OTULIN: variants seen among roughly 807,000 people sequenced by gnomAD.
The protein encoded by OTULIN is ubiquitin thioesterase otulin.
OTULIN carries 15 observed loss-of-function variants against 39.6 expected under a neutral mutation model. The ratio of observed to expected loss-of-function variants is 0.38; its 90% CI spans 0.25 to 0.58. The LOEUF (loss-of-function observed/expected upper bound fraction) is 0.58. Ranked by LOEUF, OTULIN falls within the 20% of genes least tolerant of loss-of-function variation. The pLI, the probability that OTULIN is intolerant of heterozygous loss-of-function variation, is 0.66. For synonymous variants in OTULIN, 156 were observed against 170.3 expected (o/e 0.92, Z 0.65); for missense variants, 319 against 445.9 (o/e 0.72, Z 2.56).
chr5:14,693,290 G>A lies in OTULIN; in HGVS notation c.*242G>A, dbSNP rs1173240881. 3 of 390,188 alleles carry A rather than the reference G, an allele frequency of 7.7e-6. No individual in the cohort carries two copies. The highest frequency in any genetic ancestry group is 3.9e-5 in the East Asian group (1 of 25,834). 24.2% of individuals were successfully genotyped at this position (390,188 alleles called of 1,614,324 possible). On this transcript the variant is annotated 3_prime_UTR_variant, in exon 7 of 7. Coordinates refer to ENST00000284274, the MANE Select transcript of OTULIN (RefSeq NM_138348.6). ...GGCCTTCAGAGCACACCTGTTGGACGGTGCAAACCATATCTTCTCCAGAAG... is the reference window on the plus strand; with the variant it reads ...GGCCTTCAGAGCACACCTGTTGGACAGTGCAAACCATATCTTCTCCAGAAG...
chr5:14,678,781 A>G lies in OTULIN; in HGVS notation c.324+6A>G. ...AAGCAACGTGTATGAAAATGGTATG[A>G]CACAGAGGTGCACATATTTCAGGTC... On this transcript the variant is annotated splice_donor_region_variant and intron_variant, in intron 3 of 6. Coordinates refer to ENST00000284274, the MANE Select transcript of OTULIN (RefSeq NM_138348.6). 6.4e-7 allele frequency: 1 copy of G among 1,572,106 alleles called. No individual in the cohort carries two copies. The highest frequency in any genetic ancestry group is 8.6e-7 in the Non-Finnish European group (1 of 1,157,422).
chr5:14,670,473 G>A (rs1290571349), intron 1 of OTULIN, among the ~76,000 whole-genome samples: 1 of 152,004 alleles, frequency 6.6e-6, no homozygotes, highest in Admixed American at 6.6e-5. Flanking sequence ...CTCTCTTTCT[G>A]TTTGCTTATC....
In OTULIN at chr5:14,696,657, T is replaced by C. The variant is rs1211948644; in HGVS notation, c.*3609T>C. On this transcript the variant is annotated 3_prime_UTR_variant, in exon 7 of 7. Coordinates refer to ENST00000284274, the MANE Select transcript of OTULIN (RefSeq NM_138348.6). Reference sequence around the variant, plus strand: ...AACCACAGATGCCATACAGACCTCCTGTGCTTAAGTTATAGAAGAATAAAA... The same window carrying C: ...AACCACAGATGCCATACAGACCTCCCGTGCTTAAGTTATAGAAGAATAAAA... 2 of 152,258 alleles carry C rather than the reference T, an allele frequency of 1.3e-5. No individual in the cohort carries two copies. Among genetic ancestry groups the C allele is most frequent in the African/African-American group, 4.8e-5 (2 of 41,468 alleles). 9.4% of individuals were successfully genotyped at this position (152,258 alleles called of 1,614,324 possible). A position where few individuals can be genotyped will look rare whatever the true frequency, so the allele number is the denominator to read the frequency against.
chr5:14,687,325 C>T (rs927478969), intron 4 of OTULIN, among the ~76,000 whole-genome samples, 196 bp from the exon 5 acceptor site: 1 of 152,198 alleles, frequency 6.6e-6, no homozygotes, highest in Non-Finnish European at 1.5e-5. Context: ...AGCAGCCCTC[C>T]TCAGGGTGGT....
rs545289049 is a variant in OTULIN, at chr5:14,684,808, C to T, written c.469-2713C>T. Among the ~76,000 whole-genome samples, 114 of 152,310 alleles carry T rather than the reference C, an allele frequency of 7.5e-4. 1 individual carries two copies. Among genetic ancestry groups the T allele is most frequent in the Non-Finnish European group, 1.5e-3 (99 of 68,030 alleles). On this transcript the variant is annotated intron_variant, in intron 4 of 6. Coordinates refer to ENST00000284274, the MANE Select transcript of OTULIN (RefSeq NM_138348.6). ...AGTGACCCTCCCCTTAATCTATGCTCGGTGAAGAAGACCCGGGCTTCCTTT... is the reference window on the plus strand; with the variant it reads ...AGTGACCCTCCCCTTAATCTATGCTTGGTGAAGAAGACCCGGGCTTCCTTT...
the OTULIN span, chr5:14,708,472 CT>C: frequency 1.3e-5 from 2 of 152,158 alleles, no homozygotes; most frequent in African/African-American, 4.8e-5. Flanking sequence ...GGGAATGTTT[CT>C]TTGGTCACAA....
rs771225743 is a variant in OTULIN, at chr5:14,687,477, G to A, written c.469-44G>A. On this transcript the variant is annotated intron_variant, in intron 4 of 6. Transcript: ENST00000284274. ...GCTTGGATTGTGTGGTGGATTTCTT[G>A]GAATGTTAACACTTCTTTATCTCTT... The A allele has an allele frequency of 2.5e-6, 4 of 1,585,996 alleles. No homozygotes were observed. In the South Asian group the frequency reaches 3.5e-5, roughly 14 times the overall value.
chr5:14,670,238 A>G (rs1333710494), intron 1 of OTULIN, among the ~76,000 whole-genome samples: 1 of 152,210 alleles, frequency 6.6e-6, no homozygotes, highest in Non-Finnish European at 1.5e-5. Context: ...AACTTGACAC[A>G]CAAAAGGTTG....
chr5:14,675,099 G>A (rs1227684688), intron 2 of OTULIN, among the ~76,000 whole-genome samples: 2 of 152,204 alleles, frequency 1.3e-5, no homozygotes, highest in Middle Eastern at 3.4e-3. Context: ...CTCTAATAGG[G>A]GCTCTTTTCA....
At chr5:14,669,361 G>A (rs372855375) in intron 1 of OTULIN, among the ~76,000 whole-genome samples, 2 of 145,350 alleles carry the variant, frequency 1.4e-5, no homozygotes, top group Admixed American at 6.6e-5. Context: ...GCGAAACTCC[G>A]TCTCAAAAAA....
At chr5:14,708,539 C>T in the OTULIN span, 1 of 152,222 alleles carries the variant, frequency 6.6e-6, no homozygotes. Context: ...AGGTCACCCT[C>T]CCTGGTTTGA....
At position 14,690,545 on chromosome 5, in the gene OTULIN, C is replaced by G. The variant is rs922690260; in HGVS notation, c.864+237C>G. Among the ~76,000 whole-genome samples the G allele has an allele frequency of 1.3e-5, 2 of 152,162 alleles. No homozygotes were observed. The highest frequency in any genetic ancestry group is 2.9e-5 in the Non-Finnish European group (2 of 68,024). ...TCATGTGGCTGTGGGCAGGAGGCTT[C>G]AGTTCCTTACTGGTAGTTAGTAGGA... On this transcript the variant is annotated intron_variant, in intron 6 of 6. Coordinates refer to ENST00000284274, the MANE Select transcript of OTULIN (RefSeq NM_138348.6). This position sits in a 1 kb window ranked among gnomAD's most constrained non-coding sequence, Gnocchi z 4.5.
chr5:14,685,120 TC>T (rs1736352580), intron 4 of OTULIN, among the ~76,000 whole-genome samples: 2 of 152,368 alleles, frequency 1.3e-5, no homozygotes, highest in African/African-American at 4.8e-5. Context: ...GTTTCCAAGT[TC>T]GTTACATTTT....
chr5:14,683,200 G>T (rs998662046), intron 4 of OTULIN, among the ~76,000 whole-genome samples: 1 of 151,650 alleles, frequency 6.6e-6, no homozygotes, highest in East Asian at 2.0e-4. Flanking sequence ...GATCACTTGA[G>T]CCAGGAGTTC....
chr5:14,670,395 T>C lies in OTULIN; in HGVS notation c.153-3247T>C, dbSNP rs1478758485. Among the ~76,000 whole-genome samples, 3 of 152,242 alleles carry C rather than the reference T, an allele frequency of 2.0e-5. No homozygotes were observed. The East Asian group carries it at 5.8e-4, about 29-fold the overall frequency. ...CTTTATTATTTTAATACTTAAAAAA[T>C]TAAAGCAAAAGTTTATTGAGTGAAG... is the stretch of plus-strand genomic sequence containing the variant. On this transcript the variant is annotated intron_variant, in intron 1 of 6. Coordinates refer to ENST00000284274, the MANE Select transcript of OTULIN (RefSeq NM_138348.6).
chr5:14,710,916 G>GAGGCAGCTGTGTCTTTT, the OTULIN span: 1 of 425,968 alleles, frequency 2.3e-6, no homozygotes, highest in East Asian at 5.4e-5. Context: ...CGTCAACCGT[G>GAGGCAGCTGTGTCTTTT]AGGCAGCTGT....
the OTULIN span, chr5:14,708,063 C>T: frequency 6.6e-6 from 1 of 152,180 alleles, no homozygotes; most frequent in East Asian, 1.9e-4. Flanking sequence ...ACTTTCCAAG[C>T]GCAAGCCTCG....
In OTULIN at chr5:14,694,931, C is replaced by G. The variant is rs1193113946; in HGVS notation, c.*1883C>G. On this transcript the variant is annotated 3_prime_UTR_variant, in exon 7 of 7. Transcript: ENST00000284274. ...TTCTGATGTTTTTTAAAGCACAACTCGAAACATTTCGATCATACATACATA... is the reference window on the plus strand; with the variant it reads ...TTCTGATGTTTTTTAAAGCACAACTGGAAACATTTCGATCATACATACATA... The G allele has an allele frequency of 6.6e-6, 1 of 152,520 alleles. No homozygotes were observed. The highest frequency in any genetic ancestry group is 1.5e-5 in the Non-Finnish European group (1 of 68,036). 9.4% of individuals were successfully genotyped at this position (152,520 alleles called of 1,614,324 possible).
downstream of OTULIN, among the ~76,000 whole-genome samples, chr5:14,703,702 A>T (rs370116090): frequency 6.6e-5 from 10 of 152,316 alleles, no homozygotes; most frequent in East Asian, 1.9e-3. Flanking sequence ...GCAACCAGGA[A>T]CTGAACATAC....
Sources: allele counts gnomAD v4.1 joint callset (sites outside exome capture counted in the v4.1 genomes callset), GRCh38; gene constraint gnomAD v4.1.1; non-coding constraint Gnocchi (gnomAD v3.1); transcripts MANE v1.5; gene names NCBI Gene and HGNC (gene_info 2026-07-23, HGNC 2026-07-21).